Variants in PDGFRB observed in about 807,000 individuals in gnomAD.
PDGFRB encodes the protein platelet derived growth factor receptor beta.
Under a neutral mutation model 120.2 loss-of-function variants are expected in PDGFRB, and 42 were observed. The ratio of observed to expected loss-of-function variants is 0.35; its 90% CI spans 0.27 to 0.45. PDGFRB has a LOEUF of 0.45. PDGFRB is among the 20% of genes least tolerant of loss of function. PDGFRB has a pLI of 1.00. For missense variants in PDGFRB, 1,149 were observed against 1,476.3 expected (o/e 0.78, Z 3.63); for synonymous variants, 586 against 606.8 (o/e 0.97, Z 0.50).
chr5:150,135,091 T>C, intron 3 of PDGFRB, 75 bp from the exon 4 acceptor site: 2 of 753,284 alleles, frequency 2.7e-6, no homozygotes, highest in Non-Finnish European at 4.6e-6. Flanking sequence ...GTGTGGCAAG[T>C]CATTTGCCAT....
intron 1 of PDGFRB, among the ~76,000 whole-genome samples, chr5:150,154,788 GC>G (rs1376463117): frequency 1.3e-5 from 2 of 152,208 alleles, no homozygotes; most frequent in Non-Finnish European, 2.9e-5. Context: ...AGACCCAGCA[GC>G]ATGACCGCTA....
intron 15 of PDGFRB, 191 bp from the exon 16 acceptor site, chr5:150,122,231 C>T (rs1295772308): frequency 1.7e-6 from 1 of 578,992 alleles, no homozygotes; most frequent in Non-Finnish European, 3.1e-6. Flanking sequence ...ACTGAGGCTA[C>T]CAAAATGACA....
rs79880108 is a variant in PDGFRB at position 150,128,122 on chromosome 5, C to G, written c.1580-1508G>C. Among the ~76,000 whole-genome samples, 3 of 152,292 alleles carry G rather than the reference C, an allele frequency of 2.0e-5. No homozygotes were observed. The South Asian group carries it at 6.2e-4, about 32-fold the overall frequency. Reference sequence around the variant, plus strand: ...AAGCCTGCATCTTCTAGGCAGCCATCGCTGGAGGCATGAAGGAGCCCTCTT... The same window carrying G: ...AAGCCTGCATCTTCTAGGCAGCCATGGCTGGAGGCATGAAGGAGCCCTCTT... On this transcript the variant is annotated intron_variant, in intron 10 of 22. Transcript: ENST00000261799.
At chr5:150,142,223 G>A (rs542643536) in intron 1 of PDGFRB, among the ~76,000 whole-genome samples, 11 of 152,140 alleles carry the variant, frequency 7.2e-5, no homozygotes, top group East Asian at 3.9e-4. Flanking sequence ...AGATGGGCTC[G>A]GGTGATCGGT....
At chr5:150,124,200 C>T (rs1412715187) in intron 14 of PDGFRB, 50 bp downstream of exon 14, 3 of 1,312,742 alleles carry the variant, frequency 2.3e-6, no homozygotes, top group Non-Finnish European at 3.3e-6. Context: ...GGGGCCTGGC[C>T]TTGGTGGTGG....
At position 150,133,218 on chromosome 5, in the gene PDGFRB, G is replaced by A. The variant is rs73796324; in HGVS notation, c.935-276C>T. Among the ~76,000 whole-genome samples, 9,026 of 152,262 alleles carry A rather than the reference G, an allele frequency of 0.059. 631 individuals are homozygous for A. Among genetic ancestry groups the A allele is most frequent in the East Asian group, 0.17 (855 of 5,180 alleles). On this transcript the variant is annotated intron_variant, in intron 6 of 22. Transcript: ENST00000261799. ...TACTGTGGCTGATGCTGGGACTAGT[G>A]ATAAGGTTGAATTTGGGGATGGGGC...
At chr5:150,117,993 T>A (rs1760016448) in intron 21 of PDGFRB, 143 bp from the exon 22 acceptor site, 1 of 618,610 alleles carries the variant, frequency 1.6e-6, no homozygotes, top group Admixed American at 2.9e-5. Flanking sequence ...CCAAGCCACA[T>A]GGTTGAGCTG....
At chr5:150,125,607 C>T (rs1370678479) in intron 11 of PDGFRB, 30 bp from the exon 12 acceptor site, 1 of 1,611,936 alleles carries the variant, frequency 6.2e-7, no homozygotes, top group East Asian at 2.2e-5. Flanking sequence ...AATTAGTTAT[C>T]AGAGGGAGTC....
At chr5:150,130,450 C>G in intron 9 of PDGFRB, 89 bp downstream of exon 9, 1 of 1,308,824 alleles carries the variant, frequency 7.6e-7, no homozygotes, top group East Asian at 2.3e-5. Context: ...GAACAATATG[C>G]CAAGAAGAAC....
chr5:150,124,207 G>A (rs1760227514), intron 14 of PDGFRB, 43 bp downstream of exon 14: 2 of 1,370,504 alleles, frequency 1.5e-6, no homozygotes, highest in Non-Finnish European at 1.0e-6. Context: ...GGCCTTGGTG[G>A]TGGGCACTTT....
intron 19 of PDGFRB, 50 bp from the exon 20 acceptor site, chr5:150,119,616 G>T: frequency 1.8e-6 from 2 of 1,106,456 alleles, no homozygotes; most frequent in Non-Finnish European, 1.4e-6. Context: ...GTGGAAAAGT[G>T]GCAGGGCACC....
intron 8 of PDGFRB, among the ~76,000 whole-genome samples, chr5:150,131,675 T>C (rs1760470668): frequency 6.6e-6 from 1 of 152,108 alleles, no homozygotes; most frequent in African/African-American, 2.4e-5. Context: ...GCTCAATAAA[T>C]ACCTATCGAG....
At position 150,121,176 on chromosome 5, in the gene PDGFRB, C is replaced by G. The variant is rs538196485; in HGVS notation, c.2463+28G>C. On this transcript the variant is annotated intron_variant, in intron 17 of 22. Transcript: ENST00000261799. The surrounding 1 kb of genome is among the most constrained non-coding windows in gnomAD (Gnocchi z 4.1). ...GGGTGACCCACCTCCCCACAGCCCCCACTCTGCCCCACCAACACCACACGT... is the reference window on the plus strand; with the variant it reads ...GGGTGACCCACCTCCCCACAGCCCCGACTCTGCCCCACCAACACCACACGT... 3.7e-6 allele frequency: 5 copies of G among 1,333,942 alleles called. No individual in the cohort carries two copies. The highest frequency in any genetic ancestry group is 5.4e-6 in the Non-Finnish European group (5 of 924,078). 82.6% of individuals were successfully genotyped at this position (1,333,942 alleles called of 1,614,324 possible). A position where few individuals can be genotyped will look rare whatever the true frequency, so the allele number is the denominator to read the frequency against.
intron 4 of PDGFRB, among the ~76,000 whole-genome samples, chr5:150,134,518 C>T (rs1760566712): frequency 6.6e-6 from 1 of 152,250 alleles, no homozygotes; most frequent in African/African-American, 2.4e-5. Context: ...GACCATGTTG[C>T]ACAGGCCAGC....
chr5:150,135,486 T>C lies in PDGFRB; in HGVS notation c.364+69A>G, dbSNP rs740749. ...TTTCACAATAAACTAAAGCACTCTC[T>C]GGACTTCCCCTGATGCCTCCAGTTG... On this transcript the variant is annotated intron_variant, in intron 3 of 22. Coordinates refer to ENST00000261799, the MANE Select transcript of PDGFRB (RefSeq NM_002609.4). 6.1e-4 allele frequency: 598 copies of C among 988,162 alleles called. 1 individual carries two copies. The African/African-American group carries it at 9.1e-3, about 15-fold the overall frequency. The allele number at this position is 988,162 out of a possible 1,614,324, so 61.2% of individuals were successfully genotyped here. A position where few individuals can be genotyped will look rare whatever the true frequency, so the allele number is the denominator to read the frequency against.
chr5:150,130,435 G>T, intron 9 of PDGFRB, 104 bp downstream of exon 9: 2 of 1,146,014 alleles, frequency 1.7e-6, no homozygotes, highest in Non-Finnish European at 2.5e-6. Flanking sequence ...GCAACTCTAT[G>T]CCCGGAACAA....
chr5:150,143,131 C>T (rs1049930729), intron 1 of PDGFRB, among the ~76,000 whole-genome samples: 9 of 152,084 alleles, frequency 5.9e-5, no homozygotes, highest in African/African-American at 2.2e-4. Context: ...CACTCCTGGG[C>T]GGGACAGACA....
At chr5:150,116,056 A>T in intron 22 of PDGFRB, 110 bp from the exon 23 acceptor site, 1 of 862,050 alleles carries the variant, frequency 1.2e-6, no homozygotes, top group Non-Finnish European at 1.7e-6. Context: ...GGCTTCACAC[A>T]CTCCGGCTCA....
chr5:150,145,904 G>A (rs557137775), intron 1 of PDGFRB, among the ~76,000 whole-genome samples: 1 of 152,014 alleles, frequency 6.6e-6, no homozygotes. Flanking sequence ...AAATAAAGTC[G>A]TCAGCCTTAT....
Sources: gnomAD v4.1 joint callset for allele counts (sites outside exome capture counted in the v4.1 genomes callset) on GRCh38, gnomAD v4.1.1 for gene constraint, Gnocchi (gnomAD v3.1) non-coding constraint, MANE v1.5 for transcripts, NCBI Gene and HGNC (gene_info 2026-07-23, HGNC 2026-07-21) for gene names.